Variants in OPCML observed in about 807,000 individuals in gnomAD.
The protein encoded by OPCML is opioid binding protein/cell adhesion molecule like.
In OPCML, 13 loss-of-function variants were observed where a neutral mutation model predicts 37.8. The ratio of observed to expected loss-of-function variants is 0.34; its 90% CI spans 0.22 to 0.55. The LOEUF is 0.55. OPCML is among the 20% of genes least tolerant of loss of function. OPCML has a pLI of 0.91. For missense variants in OPCML, 341 were observed against 435.6 expected, an observed-to-expected ratio of 0.78 and a Z score of 1.93; for synonymous variants, 176 against 168.8, an observed-to-expected ratio of 1.04 and a Z score of -0.33.
At chr11:132,745,563 C>CAAAA (rs10562857) in intron 2 of OPCML, among the ~76,000 whole-genome samples, 97 of 102,572 alleles carry the variant, frequency 9.5e-4, no homozygotes, top group East Asian at 4.7e-3. Flanking sequence ...TGCTGTCTTG[C>CAAAA]AAAAAAAAAA....
rs535214882 is a variant in OPCML at position 133,195,953 on chromosome 11, C to A, written c.62-252943G>T. Among the ~76,000 whole-genome samples, 133 of 152,302 alleles carry A rather than the reference C, an allele frequency of 8.7e-4. 1 individual carries two copies. The highest frequency in any genetic ancestry group is 3.1e-3 in the African/African-American group (127 of 41,564). On this transcript the variant is annotated intron_variant, in intron 1 of 7. Transcript: ENST00000524381. ...ACCTTTTCTCTAAGTCAAAGCAATT[C>A]CAAATGCTTCCTTGAGCTTAAGGGC... is the stretch of plus-strand genomic sequence containing the variant.
chr11:133,138,629 T>C (rs1391932800), intron 1 of OPCML, among the ~76,000 whole-genome samples: 1 of 152,184 alleles, frequency 6.6e-6, no homozygotes, highest in Non-Finnish European at 1.5e-5. Context: ...CATTATCCTC[T>C]TGGACTACCA....
intron 2 of OPCML, among the ~76,000 whole-genome samples, chr11:132,904,745 C>T (rs975033329): frequency 6.6e-6 from 1 of 152,206 alleles, no homozygotes; most frequent in Non-Finnish European, 1.5e-5. Context: ...GCTGGCCAGG[C>T]TCCTCAGATC....
At chr11:133,352,344 C>A (rs1289101128) in intron 1 of OPCML, among the ~76,000 whole-genome samples, 2 of 152,274 alleles carry the variant, frequency 1.3e-5, no homozygotes, top group Non-Finnish European at 1.5e-5. Flanking sequence ...GCCATCCTTG[C>A]CTTTTGTACC....
intron 1 of OPCML, among the ~76,000 whole-genome samples, chr11:133,017,853 G>T (rs1591915980): frequency 6.6e-6 from 1 of 152,266 alleles, no homozygotes; most frequent in Non-Finnish European, 1.5e-5. Context: ...TAGCTGACCA[G>T]CAGTCGTTTT....
At chr11:132,682,140 G>A (rs1169113504) in intron 2 of OPCML, among the ~76,000 whole-genome samples, 2 of 152,070 alleles carry the variant, frequency 1.3e-5, no homozygotes, top group Non-Finnish European at 2.9e-5. Flanking sequence ...ACTCAAAAGC[G>A]CTCACCCACG....
At chr11:133,062,812 C>T (rs959591752) in intron 1 of OPCML, among the ~76,000 whole-genome samples, 11 of 152,232 alleles carry the variant, frequency 7.2e-5, no homozygotes, top group Non-Finnish European at 2.9e-5. Flanking sequence ...AAGCATCGTT[C>T]CCGCCCCTGA....
At chr11:132,572,343 A>G (rs2096440675) in intron 3 of OPCML, among the ~76,000 whole-genome samples, 1 of 151,654 alleles carries the variant, frequency 6.6e-6, no homozygotes, top group Non-Finnish European at 1.5e-5. Context: ...TGTCATGAAG[A>G]TTTTTTCCCA....
intron 2 of OPCML, among the ~76,000 whole-genome samples, chr11:132,807,732 C>T (rs1939098445): frequency 6.6e-6 from 1 of 152,172 alleles, no homozygotes; most frequent in Non-Finnish European, 1.5e-5. Flanking sequence ...CCATTCTTCT[C>T]TGGGACTCTT....
intron 2 of OPCML, among the ~76,000 whole-genome samples, chr11:132,734,428 T>C (rs1200050638): frequency 3.3e-5 from 5 of 152,174 alleles, no homozygotes; most frequent in Non-Finnish European, 7.3e-5. Flanking sequence ...TATGAAATCA[T>C]TCAAGCAGAC....
chr11:133,332,805 T>G (rs995472890), intron 1 of OPCML, among the ~76,000 whole-genome samples: 1 of 152,214 alleles, frequency 6.6e-6, no homozygotes, highest in South Asian at 2.1e-4. Flanking sequence ...GGATGAAGTC[T>G]ACTTGATCAT....
At chr11:133,298,411 C>T (rs1367147181) in intron 1 of OPCML, 1 of 152,116 alleles carries the variant, frequency 6.6e-6, no homozygotes, top group Non-Finnish European at 1.5e-5. Context: ...TAAATATGTT[C>T]AAGTAAAGAG....
chr11:133,338,988 G>C (rs1943803493), intron 1 of OPCML, among the ~76,000 whole-genome samples: 1 of 152,132 alleles, frequency 6.6e-6, no homozygotes. Context: ...CAAGGACTGA[G>C]CGTGTCCAGC....
intron 1 of OPCML, among the ~76,000 whole-genome samples, chr11:133,000,198 C>T (rs575746033): frequency 2.6e-5 from 4 of 152,126 alleles, no homozygotes; most frequent in South Asian, 2.1e-4. Flanking sequence ...CTACAACTTC[C>T]GCCTCCCAGG....
intron 1 of OPCML, among the ~76,000 whole-genome samples, chr11:133,453,308 T>G (rs1946614026): frequency 6.6e-6 from 1 of 152,218 alleles, no homozygotes; most frequent in South Asian, 2.1e-4. Flanking sequence ...ACGTGCATTT[T>G]AAAAACCCAT....
chr11:132,848,821 A>G (rs1941670317), intron 2 of OPCML, among the ~76,000 whole-genome samples: 2 of 152,236 alleles, frequency 1.3e-5, no homozygotes, highest in South Asian at 2.1e-4. Context: ...TTCCTATAGA[A>G]TGGTAACAAT....
At chr11:133,356,331 T>C (rs1035238781) in intron 1 of OPCML, among the ~76,000 whole-genome samples, 18 of 152,378 alleles carry the variant, frequency 1.2e-4, no homozygotes, top group African/African-American at 4.3e-4. Flanking sequence ...TGCTCTGAGC[T>C]GCTGAGATTC....
At chr11:132,565,941 G>A (rs1347297011) in intron 3 of OPCML, among the ~76,000 whole-genome samples, 1 of 152,202 alleles carries the variant, frequency 6.6e-6, no homozygotes, top group African/African-American at 2.4e-5. Flanking sequence ...ACTGTGGCAG[G>A]AGAATTGCTT....
intron 1 of OPCML, among the ~76,000 whole-genome samples, chr11:132,981,761 A>G (rs1946589177): frequency 6.6e-6 from 1 of 152,176 alleles, no homozygotes; most frequent in South Asian, 2.1e-4. Context: ...ACCAAATAAG[A>G]ATTGACAGGA....
Sources: allele counts gnomAD v4.1 joint callset (sites outside exome capture counted in the v4.1 genomes callset), GRCh38; gene constraint gnomAD v4.1.1; transcripts MANE v1.5; gene names NCBI Gene and HGNC (gene_info 2026-07-23, HGNC 2026-07-21).